The following GRAMD2B variants were observed in gnomAD, a reference collection of about 807,000 sequenced individuals.
GRAMD2B encodes the protein GRAM domain-containing protein 2B.
A neutral mutation model predicts 59.2 loss-of-function variants in GRAMD2B; 41 were observed. That is an observed-to-expected ratio of 0.69 (90% CI 0.54 to 0.90). The LOEUF (loss-of-function observed/expected upper bound fraction) is 0.90, where lower values mean the gene tolerates loss of function less well. Among genes scored for constraint, GRAMD2B ranks in the 40% least tolerant of loss-of-function variants. GRAMD2B has a pLI of 0.00. For synonymous variants in GRAMD2B, 161 were observed against 182.7 expected, an observed-to-expected ratio of 0.88 and a Z score of 0.96; for missense variants, 424 against 500.5, an observed-to-expected ratio of 0.85 and a Z score of 1.46.
At chr5:126,450,250 G>A (rs965787719) in intron 1 of GRAMD2B, among the ~76,000 whole-genome samples, 4 of 152,058 alleles carry the variant, frequency 2.6e-5, no homozygotes, top group African/African-American at 9.7e-5. Context: ...CAAAACAAAA[G>A]TGAACATTTC....
intron 1 of GRAMD2B, among the ~76,000 whole-genome samples, chr5:126,404,369 C>T (rs1436663389): frequency 6.6e-6 from 1 of 151,848 alleles, no homozygotes; most frequent in Non-Finnish European, 1.5e-5. Context: ...ATTAGGATTA[C>T]TTGTTACCTT....
At chr5:126,394,654 A>G (rs945375129) in intron 1 of GRAMD2B, among the ~76,000 whole-genome samples, 24 of 152,154 alleles carry the variant, frequency 1.6e-4, no homozygotes, top group Non-Finnish European at 3.1e-4. Flanking sequence ...TGGAGACGGG[A>G]CATTGGCTCT....
chr5:126,420,311 C>G (rs937551559), upstream of GRAMD2B, among the ~76,000 whole-genome samples: 1 of 152,170 alleles, frequency 6.6e-6, no homozygotes, highest in African/African-American at 2.4e-5. Flanking sequence ...TGCCGTGCCT[C>G]TTGAATACTA....
chr5:126,461,965 A>G (rs1238795349), intron 1 of GRAMD2B, among the ~76,000 whole-genome samples: 1 of 152,212 alleles, frequency 6.6e-6, no homozygotes, highest in African/African-American at 2.4e-5. Flanking sequence ...GAGGAGAAAT[A>G]ACCTGCCAAG....
chr5:126,422,870 A>G (rs1759886771), upstream of GRAMD2B, among the ~76,000 whole-genome samples: 1 of 152,024 alleles, frequency 6.6e-6, no homozygotes, highest in Non-Finnish European at 1.5e-5. Flanking sequence ...TCATAACCCA[A>G]TATTTGAAGA....
At chr5:126,479,125 T>A (rs1264779121) in intron 6 of GRAMD2B, among the ~76,000 whole-genome samples, 1 of 152,228 alleles carries the variant, frequency 6.6e-6, no homozygotes, top group Non-Finnish European at 1.5e-5. Flanking sequence ...ACATGAATTT[T>A]TTTAATCTTT....
intron 1 of GRAMD2B, among the ~76,000 whole-genome samples, chr5:126,377,573 G>T (rs1755310625): frequency 2.0e-5 from 3 of 152,092 alleles, no homozygotes; most frequent in Admixed American, 2.0e-4. Flanking sequence ...GGCATTTTTG[G>T]CATTCTGAAC....
At chr5:126,366,846 C>CTTTTTTTTTTTTTTTTTTTTTT (rs59718576), upstream of GRAMD2B, among the ~76,000 whole-genome samples, 1 of 107,682 alleles carries the variant, frequency 9.3e-6, no homozygotes, top group Non-Finnish European at 1.8e-5. Context: ...CAGACCAAGG[C>CTTTTTTTTTTTTTTTTTTTTTT]TTTTTTTTTT....
intron 1 of GRAMD2B, among the ~76,000 whole-genome samples, chr5:126,378,523 C>A (rs1250882662): frequency 1.3e-5 from 2 of 152,148 alleles, no homozygotes; most frequent in African/African-American, 4.8e-5. Flanking sequence ...ATTGTATAAG[C>A]TTCAGGCCCA....
intron 1 of GRAMD2B, among the ~76,000 whole-genome samples, chr5:126,395,588 CT>C (rs1181479438): frequency 6.6e-6 from 1 of 152,108 alleles, no homozygotes; most frequent in Non-Finnish European, 1.5e-5. Flanking sequence ...TTTTTTTATG[CT>C]TTTTTAAATT....
At chr5:126,442,126 A>G (rs1208418088) in intron 1 of GRAMD2B, among the ~76,000 whole-genome samples, 2 of 151,148 alleles carry the variant, frequency 1.3e-5, no homozygotes, top group Admixed American at 1.3e-4. Flanking sequence ...CCCACTGAAT[A>G]CTAGATAAAA....
chr5:126,489,164 G>A (rs1773491591), intron 13 of GRAMD2B, among the ~76,000 whole-genome samples: 1 of 152,094 alleles, frequency 6.6e-6, no homozygotes, highest in African/African-American at 2.4e-5. Context: ...AATAGCACAG[G>A]GCCCAGTGGT....
At chr5:126,481,201 AAAAAAGAAAGAAAGAAAGAAAG>A (rs1345482380) in intron 8 of GRAMD2B, among the ~76,000 whole-genome samples, 2 of 75,900 alleles carry the variant, frequency 2.6e-5, no homozygotes, top group African/African-American at 1.0e-4. Context: ...TAAAAAAAAA[AAAAAAGAAAGAAAGAAAGAAAG>A]AAAGAAAGAA....
intron 1 of GRAMD2B, among the ~76,000 whole-genome samples, chr5:126,445,293 A>G (rs1351259685): frequency 2.0e-5 from 3 of 152,160 alleles, no homozygotes; most frequent in African/African-American, 7.2e-5. Context: ...ACAATAATTG[A>G]ACTAATTTAC....
intron 1 of GRAMD2B, among the ~76,000 whole-genome samples, chr5:126,440,210 A>G (rs1489898635): frequency 6.6e-6 from 1 of 152,228 alleles, no homozygotes; most frequent in African/African-American, 2.4e-5. Context: ...AAGTAAAACA[A>G]CACACCTACT....
chr5:126,376,724 A>T (rs752981326), intron 1 of GRAMD2B, among the ~76,000 whole-genome samples: 3 of 152,158 alleles, frequency 2.0e-5, no homozygotes, highest in Non-Finnish European at 4.4e-5. Context: ...AAGAGCAGGG[A>T]TGAGATGGAA....
Position 126,380,712 on chromosome 5 carries a change from G to A in GRAMD2B, c.125+9145G>A, listed in dbSNP as rs563631766. ...TGTGATTCTCAGCTTGGTCGCTGTT[G>A]GTATATAGCAAAGCTACTGATTTGT... On this transcript the variant is annotated intron_variant, in intron 1 of 8. Coordinates refer to the GRAMD2B transcript ENST00000506445. 1.4e-3 allele frequency among the ~76,000 whole-genome samples: 206 copies of A among 152,152 alleles called. 1 individual carries two copies. The highest frequency in any genetic ancestry group is 3.4e-3 in the Middle Eastern group (1 of 294).
intron 1 of GRAMD2B, among the ~76,000 whole-genome samples, chr5:126,404,221 T>C (rs1476577044): frequency 7.9e-5 from 12 of 151,856 alleles, no homozygotes; most frequent in Admixed American, 7.9e-4. Context: ...CTTTTTGTGA[T>C]TGTAATATTT....
intron 4 of GRAMD2B, 34 bp downstream of exon 4, chr5:126,472,338 A>C: frequency 6.4e-7 from 1 of 1,553,792 alleles, no homozygotes; most frequent in South Asian, 1.1e-5. Flanking sequence ...TTTAAGCTAC[A>C]TATTTGAAAA....
Sources: allele counts gnomAD v4.1 joint callset (sites outside exome capture counted in the v4.1 genomes callset), GRCh38; gene constraint gnomAD v4.1.1; transcripts MANE v1.5; gene names NCBI Gene and HGNC (gene_info 2026-07-23, HGNC 2026-07-21).